The following ZNF93 variants were observed in gnomAD, a reference collection of about 807,000 sequenced individuals.
ZNF93 encodes the protein zinc finger protein 505.
Under a neutral mutation model 45.0 loss-of-function variants are expected in ZNF93, and 29 were observed. The ratio of observed to expected loss-of-function variants is 0.64; its 90% confidence interval spans 0.48 to 0.88. The LOEUF (loss-of-function observed/expected upper bound fraction) is 0.88. Among genes scored for constraint, ZNF93 ranks in the 40% least tolerant of loss-of-function variants. ZNF93 has a pLI of 0.00. For synonymous variants in ZNF93, 223 were observed against 244.6 expected, an observed-to-expected ratio of 0.91 and a Z score of 0.82; for missense variants, 578 against 724.0, an observed-to-expected ratio of 0.80 and a Z score of 2.31.
At chr19:19,905,063 A>G (rs1294127512) in intron 1 of ZNF93, among the ~76,000 whole-genome samples, 1 of 151,956 alleles carries the variant, frequency 6.6e-6, no homozygotes, top group Non-Finnish European at 1.5e-5. Flanking sequence ...TTCTCCACCA[A>G]CCTAGGGTCT....
At chr19:19,903,343 G>T (rs1023143589) in intron 1 of ZNF93, among the ~76,000 whole-genome samples, 4 of 152,208 alleles carry the variant, frequency 2.6e-5, no homozygotes, top group African/African-American at 9.6e-5. Context: ...TCTTAGGAGG[G>T]ATGTAAAGTG....
At chr19:19,914,521 C>G (rs1055229401) in intron 1 of ZNF93, among the ~76,000 whole-genome samples, 1 of 152,120 alleles carries the variant, frequency 6.6e-6, no homozygotes, top group Non-Finnish European at 1.5e-5. Flanking sequence ...AAAAATTTGT[C>G]CTAGTGCAGT....
intron 1 of ZNF93, among the ~76,000 whole-genome samples, chr19:19,904,328 C>A (rs1317951025): frequency 6.6e-6 from 1 of 152,034 alleles, no homozygotes; most frequent in African/African-American, 2.4e-5. Flanking sequence ...TTTCTTTGTT[C>A]TATGCATTTC....
intron 3 of ZNF93, among the ~76,000 whole-genome samples, chr19:19,924,322 C>T (rs1470477440): frequency 6.6e-6 from 1 of 152,074 alleles, no homozygotes; most frequent in African/African-American, 2.4e-5. Flanking sequence ...AACTCCTGAC[C>T]TTAGATGATC....
At chr19:19,917,902 A>G (rs1242027410) in intron 3 of ZNF93, among the ~76,000 whole-genome samples, 1 of 150,532 alleles carries the variant, frequency 6.6e-6, no homozygotes, top group African/African-American at 2.5e-5. Flanking sequence ...TTTTTCTTCA[A>G]TTTCAGTGAC....
At chr19:19,903,957 G>A (rs765772245) in intron 1 of ZNF93, among the ~76,000 whole-genome samples, 2 of 151,462 alleles carry the variant, frequency 1.3e-5, no homozygotes, top group African/African-American at 2.4e-5. Flanking sequence ...AACTTGGGAG[G>A]CTGAGGCAGG....
intron 1 of ZNF93, among the ~76,000 whole-genome samples, chr19:19,909,802 C>A (rs2063302754): frequency 6.6e-6 from 1 of 152,224 alleles, no homozygotes; most frequent in Non-Finnish European, 1.5e-5. Flanking sequence ...AGGGGACTTT[C>A]CCTCTCAGAC....
chr19:19,933,139 G>C (rs781579497), intron 3 of ZNF93, 43 bp from the exon 4 acceptor site: 1 of 1,392,062 alleles, frequency 7.2e-7, no homozygotes, highest in Admixed American at 2.5e-5. Flanking sequence ...ATATTTATCT[G>C]AGTCTAGCAA....
At position 19,934,822 on chromosome 19, in the gene ZNF93, T is replaced by C; in HGVS notation, c.*4T>C. The C allele has an allele frequency of 1.9e-6, 3 of 1,588,832 alleles. No individual in the cohort carries two copies. Among genetic ancestry groups the C allele is most frequent in the Non-Finnish European group, 2.6e-6 (3 of 1,169,324 alleles). On this transcript the variant is annotated 3_prime_UTR_variant, in exon 4 of 4. Coordinates refer to ENST00000343769, the MANE Select transcript of ZNF93 (RefSeq NM_031218.4). ...TCATACTGGGGAGAAACCCTAGAAG[T>C]GTGAAGAATGTGGCAAAGCCTTCAA... is the stretch of plus-strand genomic sequence containing the variant.
rs1222596612 is a variant in ZNF93, at chr19:19,935,532, CAGA to C, written c.*719_*721del. Reference sequence around the variant, plus strand: ...TTAATGTAGCACTGGAAGTGTGTGGCAGAAGAATTAGTCAAAGAAATAAAAATA... The same window carrying C: ...TTAATGTAGCACTGGAAGTGTGTGGCAGAATTAGTCAAAGAAATAAAAATA... On this transcript the variant is annotated 3_prime_UTR_variant, in exon 4 of 4. Transcript: ENST00000343769. 1.3e-5 allele frequency: 2 copies of C among 152,106 alleles called. No homozygotes were observed. The highest frequency in any genetic ancestry group is 4.8e-5 in the African/African-American group (2 of 41,400). 9.4% of individuals were successfully genotyped at this position (152,106 alleles called of 1,614,324 possible). A position where few individuals can be genotyped will look rare whatever the true frequency, so the allele number is the denominator to read the frequency against.
chr19:19,914,973 AC>A (rs1695717864), intron 1 of ZNF93, among the ~76,000 whole-genome samples: 1 of 152,234 alleles, frequency 6.6e-6, no homozygotes, highest in African/African-American at 2.4e-5. Flanking sequence ...AAACATATTC[AC>A]ATCTCATTCT....
At chr19:19,920,400 TA>T (rs1305941651) in intron 3 of ZNF93, among the ~76,000 whole-genome samples, 1 of 152,214 alleles carries the variant, frequency 6.6e-6, no homozygotes, top group Non-Finnish European at 1.5e-5. Context: ...GATGTTGGTC[TA>T]AAATTCTCTT....
intron 1 of ZNF93, among the ~76,000 whole-genome samples, chr19:19,910,843 T>C (rs1599566900): frequency 1.3e-5 from 2 of 152,220 alleles, no homozygotes; most frequent in East Asian, 3.9e-4. Flanking sequence ...AGAACTTGGA[T>C]TGAGAATGTA....
chr19:19,933,517 C>T lies in ZNF93; in HGVS notation c.562C>T (p.Leu188Phe). 1 of 1,607,414 alleles carries T rather than the reference C, an allele frequency of 6.2e-7. No homozygotes were observed. Among genetic ancestry groups the T allele is most frequent in the Non-Finnish European group, 8.5e-7 (1 of 1,177,858 alleles). The change falls in exon 4 of 4, where the codon CTT (leucine) becomes TTT (phenylalanine). Residue 188 changes from leucine to phenylalanine, a missense_variant. Leu to Phe is a conservative substitution (Grantham distance 22, BLOSUM62 0). This residue lies in a region of ZNF93 where 446 missense variants were observed against 547.6 expected (regional missense o/e 0.81). Coordinates refer to ENST00000343769, the MANE Select transcript of ZNF93 (RefSeq NM_031218.4). ...CGKAFNQFST[L>F]ITHKKIHTGE... ...CAAAGCTTTTAACCAGTTCTCAACC[C>T]TTATAACACATAAGAAAATTCATAC...
intron 3 of ZNF93, among the ~76,000 whole-genome samples, chr19:19,920,856 C>T (rs1430139645): frequency 3.9e-5 from 6 of 152,008 alleles, no homozygotes; most frequent in African/African-American, 7.3e-5. Flanking sequence ...GTCTTGCTAG[C>T]GGTCTATCAA....
Position 19,935,104 on chromosome 19 carries a change from CTGAGGAAATG to C in ZNF93, c.*287_*296del. On this transcript the variant is annotated 3_prime_UTR_variant, in exon 4 of 4. Coordinates refer to ENST00000343769, the MANE Select transcript of ZNF93 (RefSeq NM_031218.4). The stretch of plus-strand genomic sequence containing the variant: ...CTATATAGAAACCCACACAGTTAAC[CTGAGGAAATG>C]CTCTCTGGTACTCACTGAAAGCCAC... 1 of 378,196 alleles carries C rather than the reference CTGAGGAAATG, an allele frequency of 2.6e-6. No individual in the cohort carries two copies. The highest frequency in any genetic ancestry group is 2.0e-5 in the African/African-American group (1 of 48,944). The allele number at this position is 378,196 out of a possible 1,614,324, so 23.4% of individuals were successfully genotyped here.
chr19:19,921,349 G>T (rs1471667601), intron 3 of ZNF93, among the ~76,000 whole-genome samples: 1 of 152,184 alleles, frequency 6.6e-6, no homozygotes, highest in African/African-American at 2.4e-5. Flanking sequence ...GCTGAGGAGT[G>T]CTTTACTTCC....
At chr19:19,912,883 A>G (rs972201954) in intron 1 of ZNF93, among the ~76,000 whole-genome samples, 1 of 152,230 alleles carries the variant, frequency 6.6e-6, no homozygotes, top group Non-Finnish European at 1.5e-5. Context: ...TGCCTGCTTA[A>G]TAAACATTGC....
intron 3 of ZNF93, among the ~76,000 whole-genome samples, chr19:19,928,309 C>T (rs1171349993): frequency 2.0e-5 from 3 of 152,082 alleles, no homozygotes; most frequent in Non-Finnish European, 4.4e-5. Flanking sequence ...ATGTTTGTGT[C>T]AGTATCATAT....
Sources: gnomAD v4.1 joint callset for allele counts (sites outside exome capture counted in the v4.1 genomes callset) on GRCh38, gnomAD v4.1.1 for gene constraint, gnomAD v4.1.1 regional missense constraint, MANE v1.5 for transcripts, NCBI Gene and HGNC (gene_info 2026-07-23, HGNC 2026-07-21) for gene names.